The following TUBB6 variants were observed in gnomAD, a reference collection of about 807,000 sequenced individuals.
The protein encoded by TUBB6 is tubulin beta-6 chain.
Under a neutral mutation model 32.3 loss-of-function variants are expected in TUBB6, and 18 were observed. The observed-to-expected ratio is 0.56, with a 90% CI of 0.39 to 0.83. The LOEUF (loss-of-function observed/expected upper bound fraction) is 0.83. Ranked by LOEUF, TUBB6 falls within the 40% of genes least tolerant of loss-of-function variation. The probability of loss-of-function intolerance (pLI) is 0.00; values close to 1 mark genes in which losing one functional copy is unlikely to be tolerated. For missense variants in TUBB6, 480 were observed against 632.0 expected, an observed-to-expected ratio of 0.76 and a Z score of 2.58; for synonymous variants, 280 against 265.8, an observed-to-expected ratio of 1.05 and a Z score of -0.52.
chr18:12,329,472 G>C (rs1907443302), downstream of TUBB6: 2 of 1,326,286 alleles, frequency 1.5e-6, no homozygotes, highest in Admixed American at 3.4e-5. Context: ...GCTAAAATCA[G>C]CGCAGCATTC....
rs879726874 is a variant in TUBB6 at position 12,320,241 on chromosome 18, TAAA to T, written c.278-4822_278-4820del. Among the ~76,000 whole-genome samples the T allele has an allele frequency of 1.6e-3, 225 of 143,784 alleles. 5 individuals are homozygous for T. Among genetic ancestry groups the T allele is most frequent in the Admixed American group, 0.013 (175 of 13,952 alleles). 94.3% of individuals were successfully genotyped at this position (143,784 alleles called of 152,430 possible). ...GACCCCATTTCTAAAATAATAATAA[TAAA>T]AAATTCCTTTTTTATACTTTAATAT... On this transcript the variant is annotated intron_variant, in intron 3 of 3. Transcript: ENST00000317702.
chr18:12,327,921 C>T (rs993976850), downstream of TUBB6, among the ~76,000 whole-genome samples: 6 of 152,332 alleles, frequency 3.9e-5, no homozygotes, highest in South Asian at 2.1e-4. Context: ...GAGTAGAGAG[C>T]GTCTCCTAAT....
chr18:12,326,006 T>C lies in TUBB6; in HGVS notation c.1217T>C (p.Met406Thr), dbSNP rs1907299803. 6.2e-7 allele frequency: 1 copy of C among 1,614,052 alleles called. No homozygotes were observed. The highest frequency in any genetic ancestry group is 8.5e-7 in the Non-Finnish European group (1 of 1,180,026). Residue 406 changes from methionine (M) to threonine (T), a missense_variant, in exon 4 of 4, where the codon ATG becomes ACG. Met to Thr is a moderately conservative substitution (Grantham distance 81). Transcript: ENST00000317702. ...HWFTGEGMDE[M>T]EFTEAESNMN... The stretch of plus-strand genomic sequence containing the variant: ...TTCACGGGTGAGGGCATGGATGAAA[T>C]GGAGTTCACCGAGGCGGAGAGCAAC...
At chr18:12,327,806 C>A (rs1907386348), downstream of TUBB6, among the ~76,000 whole-genome samples, 1 of 152,192 alleles carries the variant, frequency 6.6e-6, no homozygotes, top group Non-Finnish European at 1.5e-5. Flanking sequence ...CTGTATCAAG[C>A]CTGACAGACA....
At chr18:12,308,437 C>T (rs1795565519) in intron 1 of TUBB6, 88 bp downstream of exon 1, 3 of 1,069,566 alleles carry the variant, frequency 2.8e-6, no homozygotes, top group South Asian at 7.0e-5. Flanking sequence ...GGGGCGCGCA[C>T]CCGCTGTGCG....
intron 3 of TUBB6, among the ~76,000 whole-genome samples, chr18:12,321,975 A>G (rs1907012522): frequency 6.6e-6 from 1 of 152,152 alleles, no homozygotes; most frequent in African/African-American, 2.4e-5. Flanking sequence ...ATGACCTGCA[A>G]GTTAGGTCGT....
Position 12,325,642 on chromosome 18 carries a change from A to G in TUBB6, c.853A>G (p.Thr285Ala), listed in dbSNP as rs1392738394. ...SRGSQQYRAL[T>A]VPELTQQMFD... ...CGGCAGCCAGCAGTACCGGGCCCTG[A>G]CCGTGCCCGAGCTCACCCAGCAGAT... The change falls in exon 4 of 4, where the codon ACC (threonine) becomes GCC (alanine). Residue 285 changes from threonine (T) to alanine (A), a missense_variant. Physicochemically the swap from Thr to Ala is moderately conservative, Grantham distance 58. Coordinates refer to ENST00000317702, the MANE Select transcript of TUBB6 (RefSeq NM_032525.3). The G allele has an allele frequency of 1.9e-6, 3 of 1,613,904 alleles. No homozygotes were observed. Among genetic ancestry groups the G allele is most frequent in the Non-Finnish European group, 2.5e-6 (3 of 1,179,944 alleles).
At chr18:12,329,568 G>A (rs1598815705), downstream of TUBB6, 1 of 1,613,814 alleles carries the variant, frequency 6.2e-7, no homozygotes, top group East Asian at 2.2e-5. Flanking sequence ...TGGGCCTCTA[G>A]TTGGCAACTT....
rs1430006777 is a variant in TUBB6, at chr18:12,325,829, A to G, written c.1040A>G (p.Asn347Ser). The G allele has an allele frequency of 6.2e-7, 1 of 1,614,222 alleles. No homozygotes were observed. Among genetic ancestry groups the G allele is most frequent in the East Asian group, 2.2e-5 (1 of 44,890 alleles). The change falls in exon 4 of 4, where the codon AAC (asparagine) becomes AGC (serine). Residue 347 changes from asparagine to serine, a missense_variant. Transcript: ENST00000317702. ...NSSYFVEWIPNNVKVAVCDIP... is the reference protein window; with the variant it reads ...NSSYFVEWIPSNVKVAVCDIP... ...AGCTACTTCGTGGAGTGGATTCCCAACAACGTGAAGGTGGCCGTGTGCGAC... is the reference window on the plus strand; with the variant it reads ...AGCTACTTCGTGGAGTGGATTCCCAGCAACGTGAAGGTGGCCGTGTGCGAC...
In TUBB6 at chr18:12,325,872, G is replaced by A. The variant is rs531089442; in HGVS notation, c.1083G>A (p.Leu361=). The A allele has an allele frequency of 8.1e-6, 13 of 1,614,084 alleles. No individual in the cohort carries two copies. Among genetic ancestry groups the A allele is most frequent in the Non-Finnish European group, 1.1e-5 (13 of 1,180,060 alleles). ...TGTGCGACATCCCGCCCCGCGGCCT[G>A]AAGATGGCCTCCACCTTCATCGGCA... ...VAVCDIPPRG[L]KMASTFIGNS... is the part of the protein sequence containing the mutation. The change falls in exon 4 of 4, where the codon CTG becomes CTA. Residue 361 remains leucine, a synonymous_variant. Coordinates refer to ENST00000317702, the MANE Select transcript of TUBB6 (RefSeq NM_032525.3).
chr18:12,322,525 T>C (rs1177556574), intron 3 of TUBB6, among the ~76,000 whole-genome samples: 1 of 152,110 alleles, frequency 6.6e-6, no homozygotes. Flanking sequence ...CAGCTAATTT[T>C]TGTATTTTTA....
At chr18:12,323,258 T>C (rs890572241) in intron 3 of TUBB6, among the ~76,000 whole-genome samples, 16 of 152,250 alleles carry the variant, frequency 1.1e-4, no homozygotes, top group African/African-American at 3.6e-4. Context: ...ATGAAAGCCA[T>C]TGCATTATAT....
At chr18:12,321,173 C>T (rs1906968164) in intron 3 of TUBB6, among the ~76,000 whole-genome samples, 1 of 152,116 alleles carries the variant, frequency 6.6e-6, no homozygotes, top group South Asian at 2.1e-4. Flanking sequence ...GATTTAAGGA[C>T]TTCTTTAGAT....
chr18:12,308,431 C>T, intron 1 of TUBB6, 82 bp downstream of exon 1: 1 of 1,130,010 alleles, frequency 8.8e-7, no homozygotes, highest in South Asian at 3.3e-5. Flanking sequence ...CCCGCCGGGG[C>T]GCGCACCCGC....
intron 3 of TUBB6, among the ~76,000 whole-genome samples, chr18:12,321,873 A>G (rs1169832207): frequency 6.6e-6 from 1 of 152,232 alleles, no homozygotes; most frequent in African/African-American, 2.4e-5. Context: ...ATTGCCTTAA[A>G]GTGAAAGAGT....
At chr18:12,312,790 G>A (rs532279568) in intron 3 of TUBB6, among the ~76,000 whole-genome samples, 13 of 151,870 alleles carry the variant, frequency 8.6e-5, no homozygotes, top group East Asian at 3.9e-4. Context: ...ACCTGAGGTC[G>A]GGAGTTTGAG....
At chr18:12,327,387 C>T (rs1907373921), downstream of TUBB6, among the ~76,000 whole-genome samples, 1 of 152,208 alleles carries the variant, frequency 6.6e-6, no homozygotes, top group Non-Finnish European at 1.5e-5. Context: ...ACAGTACAAC[C>T]ACAACACCAC....
rs529484429 is a variant in TUBB6, at chr18:12,316,287, G to A, written c.277+5234G>A. 3.0e-4 allele frequency among the ~76,000 whole-genome samples: 46 copies of A among 152,354 alleles called. No individual in the cohort carries two copies. The South Asian group carries it at 3.1e-3, about 10-fold the overall frequency. ...GAGTTTTCTTTGGTTTATTTGAATT[G>A]AACATTGGGAGAGTGTAAGGTCTTT... On this transcript the variant is annotated intron_variant, in intron 3 of 3. Coordinates refer to ENST00000317702, the MANE Select transcript of TUBB6 (RefSeq NM_032525.3).
chr18:12,326,322 T>C lies in TUBB6; in HGVS notation c.*192T>C. ...AAAAACAGCAGAGAATTGCGGGTTC[T>C]ACCCAGTCAGAAGATCACACCATGG... is the stretch of plus-strand genomic sequence containing the variant. On this transcript the variant is annotated 3_prime_UTR_variant, in exon 4 of 4. Coordinates refer to ENST00000317702, the MANE Select transcript of TUBB6 (RefSeq NM_032525.3). 4.7e-6 allele frequency: 4 copies of C among 845,894 alleles called. No individual in the cohort carries two copies. The South Asian group carries it at 5.9e-5, about 13-fold the overall frequency. The allele number at this position is 845,894 out of a possible 1,614,324, so 52.4% of individuals were successfully genotyped here.
Sources: allele counts gnomAD v4.1 joint callset (sites outside exome capture counted in the v4.1 genomes callset), GRCh38; gene constraint gnomAD v4.1.1; transcripts MANE v1.5; gene names NCBI Gene and HGNC (gene_info 2026-07-23, HGNC 2026-07-21).